The following TRABD2B variants were observed in gnomAD, a reference collection of about 807,000 sequenced individuals.
TRABD2B encodes the protein metalloprotease TIKI2.
A neutral mutation model predicts 40.1 loss-of-function variants in TRABD2B; 14 were observed. The ratio of observed to expected loss-of-function variants is 0.35; its 90% CI spans 0.23 to 0.55. TRABD2B has a LOEUF of 0.55. Among genes scored for constraint, TRABD2B ranks in the 20% least tolerant of loss-of-function variants. The pLI is 0.90. For synonymous variants in TRABD2B, 263 were observed against 277.0 expected, an observed-to-expected ratio of 0.95 and a Z score of 0.50; for missense variants, 541 against 648.6, an observed-to-expected ratio of 0.83 and a Z score of 1.80.
At chr1:47,926,797 G>A (rs1464088246) in intron 2 of TRABD2B, among the ~76,000 whole-genome samples, 1 of 152,172 alleles carries the variant, frequency 6.6e-6, no homozygotes, top group Non-Finnish European at 1.5e-5. Context: ...CAACTACTCA[G>A]CCCTACTCCC....
intron 2 of TRABD2B, among the ~76,000 whole-genome samples, chr1:47,987,895 T>C (rs1645943297): frequency 6.6e-6 from 1 of 152,008 alleles, no homozygotes; most frequent in African/African-American, 2.4e-5. Context: ...GTTCTGGAGG[T>C]ATATGGTATA....
At chr1:47,945,420 G>T (rs1180425760) in intron 2 of TRABD2B, among the ~76,000 whole-genome samples, 2 of 152,116 alleles carry the variant, frequency 1.3e-5, no homozygotes, top group African/African-American at 4.8e-5. Context: ...AGCTTTCATG[G>T]TTTTCATTAT....
chr1:47,870,048 T>C (rs1644118496), intron 2 of TRABD2B, among the ~76,000 whole-genome samples: 1 of 152,180 alleles, frequency 6.6e-6, no homozygotes, highest in South Asian at 2.1e-4. Context: ...TCCCCATTTC[T>C]TACCTTGAAT....
At chr1:47,816,671 G>T (rs984715144) in intron 2 of TRABD2B, among the ~76,000 whole-genome samples, 8 of 152,118 alleles carry the variant, frequency 5.3e-5, no homozygotes, top group Admixed American at 3.9e-4. Flanking sequence ...AGGGGCCCCT[G>T]TTTGAAGCTC....
intron 2 of TRABD2B, among the ~76,000 whole-genome samples, chr1:47,955,185 C>T (rs1645400689): frequency 6.6e-6 from 1 of 152,170 alleles, no homozygotes; most frequent in Non-Finnish European, 1.5e-5. Flanking sequence ...TTTCTCCCAT[C>T]TCTCCTTTCC....
chr1:47,913,864 C>T (rs1488405500), intron 2 of TRABD2B, among the ~76,000 whole-genome samples: 1 of 152,096 alleles, frequency 6.6e-6, no homozygotes, highest in East Asian at 1.9e-4. Context: ...TTCTTTTAAT[C>T]CTCCTATCAA....
chr1:47,909,462 G>T (rs1428304901), intron 2 of TRABD2B, among the ~76,000 whole-genome samples: 1 of 138,372 alleles, frequency 7.2e-6, no homozygotes, highest in Non-Finnish European at 1.6e-5. Context: ...GAAGGAGAAG[G>T]AGAAGGGGAA....
chr1:47,857,906 CCA>C (rs1643911151), intron 2 of TRABD2B, among the ~76,000 whole-genome samples: 1 of 108,832 alleles, frequency 9.2e-6, no homozygotes, highest in African/African-American at 3.6e-5. Context: ...CACCCCTTAT[CCA>C]CAGTTTCACT....
intron 4 of TRABD2B, among the ~76,000 whole-genome samples, chr1:47,791,173 C>G (rs899686995): frequency 6.6e-6 from 1 of 152,202 alleles, no homozygotes; most frequent in African/African-American, 2.4e-5. Context: ...TCCTAACAAG[C>G]ACTGGAGGGG....
intron 2 of TRABD2B, among the ~76,000 whole-genome samples, chr1:47,921,755 C>T (rs10493131): frequency 0.21 from 31,590 of 152,088 alleles, 3,595 homozygotes; most frequent in Admixed American, 0.26. Flanking sequence ...AATTCTGATG[C>T]AATGCCAGGA....
intron 2 of TRABD2B, among the ~76,000 whole-genome samples, chr1:47,839,712 A>G (rs1645369442): frequency 6.6e-6 from 1 of 152,178 alleles, no homozygotes; most frequent in Non-Finnish European, 1.5e-5. Flanking sequence ...CAACACTGAC[A>G]GTGTCCTCGC....
intron 2 of TRABD2B, among the ~76,000 whole-genome samples, chr1:47,845,334 A>G (rs978524745): frequency 1.3e-5 from 2 of 152,168 alleles, no homozygotes; most frequent in African/African-American, 2.4e-5. Context: ...TCTCTTCTTA[A>G]TATTAGGATA....
At chr1:47,789,061 C>T (rs578235514) in intron 4 of TRABD2B, among the ~76,000 whole-genome samples, 43 of 152,302 alleles carry the variant, frequency 2.8e-4, no homozygotes, top group African/African-American at 9.9e-4. Flanking sequence ...GATACCTTGA[C>T]TCAATGGAAT....
chr1:47,832,845 T>C (rs1410744278), intron 2 of TRABD2B, among the ~76,000 whole-genome samples: 14 of 152,038 alleles, frequency 9.2e-5, no homozygotes. Flanking sequence ...GCACGGGAGC[T>C]TGTGAGGACC....
At chr1:47,838,232 C>A (rs950733719) in intron 2 of TRABD2B, among the ~76,000 whole-genome samples, 3 of 152,210 alleles carry the variant, frequency 2.0e-5, no homozygotes, top group African/African-American at 2.4e-5. Flanking sequence ...GCTAAGCTGA[C>A]CTTTCTGGAA....
At chr1:47,859,090 C>G (rs1489188231) in intron 2 of TRABD2B, among the ~76,000 whole-genome samples, 1 of 152,230 alleles carries the variant, frequency 6.6e-6, no homozygotes, top group Non-Finnish European at 1.5e-5. Context: ...TGGCAAGGAA[C>G]AGAGGGGTAC....
intron 2 of TRABD2B, among the ~76,000 whole-genome samples, chr1:47,846,929 C>G (rs918641964): frequency 6.7e-6 from 1 of 148,390 alleles, no homozygotes; most frequent in African/African-American, 2.5e-5. Flanking sequence ...ACCCTCAGCT[C>G]GATAGCTACC....
intron 3 of TRABD2B, chr1:47,795,757 C>G: frequency 8.4e-6 from 8 of 951,316 alleles, no homozygotes; most frequent in Non-Finnish European, 1.0e-5. Context: ...ACCACCAACT[C>G]CCCATCCCTG....
intron 2 of TRABD2B, among the ~76,000 whole-genome samples, chr1:47,838,730 G>A (rs1172917976): frequency 6.6e-6 from 1 of 152,212 alleles, no homozygotes; most frequent in East Asian, 1.9e-4. Context: ...GCAGTCACAT[G>A]GCTGACAGAT....
Sources: allele counts gnomAD v4.1 joint callset (sites outside exome capture counted in the v4.1 genomes callset), GRCh38; gene constraint gnomAD v4.1.1; transcripts MANE v1.5; gene names NCBI Gene and HGNC (gene_info 2026-07-23, HGNC 2026-07-21).